DLC1: variants seen among roughly 807,000 people sequenced by gnomAD.
The protein encoded by DLC1 is rho GTPase-activating protein 7.
In DLC1, 54 loss-of-function variants were observed where a neutral mutation model predicts 140.3. The ratio of observed to expected loss-of-function variants is 0.38; its 90% CI spans 0.31 to 0.48. DLC1 has a LOEUF of 0.48. Among genes scored for constraint, DLC1 ranks in the 20% least tolerant of loss-of-function variants. The pLI, the probability that DLC1 is intolerant of heterozygous loss-of-function variation, is 0.96. For missense variants in DLC1, 2,536 were observed against 1,907.0 expected (o/e 1.33, Z -6.14); for synonymous variants, 986 against 728.1 (o/e 1.35, Z -5.70).
At chr8:13,506,544 G>A (rs1377637116) in intron 1 of DLC1, among the ~76,000 whole-genome samples, 1 of 127,652 alleles carries the variant, frequency 7.8e-6, no homozygotes, top group Non-Finnish European at 1.6e-5. Flanking sequence ...CACACACATG[G>A]ACACACACAC....
chr8:13,155,600 A>C (rs997528582), intron 5 of DLC1, among the ~76,000 whole-genome samples: 1 of 152,160 alleles, frequency 6.6e-6, no homozygotes, highest in Non-Finnish European at 1.5e-5. Flanking sequence ...AATATTTGAT[A>C]AGTTCCCATA....
intron 4 of DLC1, among the ~76,000 whole-genome samples, chr8:13,313,629 G>A (rs1285191799): frequency 6.6e-6 from 1 of 152,070 alleles, no homozygotes; most frequent in African/African-American, 2.4e-5. Flanking sequence ...AGCAACTACT[G>A]TATGTATTTA....
chr8:13,570,304 T>TG (rs1804603361), intron 1 of DLC1, among the ~76,000 whole-genome samples: 1 of 151,900 alleles, frequency 6.6e-6, no homozygotes, highest in South Asian at 2.1e-4. Flanking sequence ...CTTTTTTTTT[T>TG]TTTATTATAC....
chr8:13,584,815 C>T (rs750826351), intron 1 of DLC1, among the ~76,000 whole-genome samples: 1 of 152,162 alleles, frequency 6.6e-6, no homozygotes, highest in Non-Finnish European at 1.5e-5. Flanking sequence ...CACCCAGGCT[C>T]TTCCTACCCA....
chr8:13,318,971 G>T (rs928708560), intron 4 of DLC1, among the ~76,000 whole-genome samples: 1 of 152,192 alleles, frequency 6.6e-6, no homozygotes, highest in African/African-American at 2.4e-5. Context: ...CTCCTGCAAA[G>T]AAACACAATT....
intron 2 of DLC1, among the ~76,000 whole-genome samples, chr8:13,453,408 A>ATATATATATATATATATATGTG (rs1563359524): frequency 1.9e-5 from 1 of 52,346 alleles, no homozygotes. Context: ...ATATGTGTAT[A>ATATATATATATATATATATGTG]TATATATATA....
chr8:13,410,976 T>A (rs183554373), intron 2 of DLC1, among the ~76,000 whole-genome samples: 1 of 152,356 alleles, frequency 6.6e-6, no homozygotes, highest in Admixed American at 6.5e-5. Flanking sequence ...TTATGGGTTT[T>A]TAAAAAATGA....
At chr8:13,585,125 A>T (rs899339063) in intron 1 of DLC1, among the ~76,000 whole-genome samples, 2 of 152,260 alleles carry the variant, frequency 1.3e-5, no homozygotes, top group African/African-American at 4.8e-5. Flanking sequence ...AAAATTTTTA[A>T]CAAATATGTG....
chr8:13,112,756 A>C (rs1820225272), intron 6 of DLC1, among the ~76,000 whole-genome samples: 1 of 152,196 alleles, frequency 6.6e-6, no homozygotes, highest in Admixed American at 6.5e-5. Context: ...TACGTTGGCC[A>C]GGTTGGCCTT....
chr8:13,508,643 C>A lies in DLC1; in HGVS notation c.-126+5959G>T, dbSNP rs145923426. Among the ~76,000 whole-genome samples, 569 of 152,246 alleles carry A rather than the reference C, an allele frequency of 3.7e-3. 3 individuals are homozygous for A. Among genetic ancestry groups the A allele is most frequent in the African/African-American group, 0.013 (555 of 41,576 alleles). ...CTGTGTTAGCCAGGATGGTCTTGAT[C>A]TCCTGACCTCGTGATCTGCCCACCT... On this transcript the variant is annotated intron_variant, in intron 1 of 17. Transcript: ENST00000276297.
intron 5 of DLC1, among the ~76,000 whole-genome samples, chr8:13,119,189 C>T (rs1448462249): frequency 1.4e-5 from 2 of 147,034 alleles, no homozygotes; most frequent in Non-Finnish European, 3.0e-5. Flanking sequence ...GACCACACTA[C>T]TGCATTCCAA....
At chr8:13,563,634 TTAATC>T (rs960879727) in intron 1 of DLC1, among the ~76,000 whole-genome samples, 9 of 152,110 alleles carry the variant, frequency 5.9e-5, no homozygotes, top group Non-Finnish European at 1.0e-4. Context: ...ATCTGTCAAT[TTAATC>T]TATAGAGGAG....
At chr8:13,295,222 C>T (rs896923905) in intron 5 of DLC1, among the ~76,000 whole-genome samples, 1 of 152,150 alleles carries the variant, frequency 6.6e-6, no homozygotes, top group African/African-American at 2.4e-5. Flanking sequence ...ACTGATTTAA[C>T]GTTTACATTA....
intron 2 of DLC1, among the ~76,000 whole-genome samples, chr8:13,442,356 G>C (rs999529315): frequency 2.6e-5 from 4 of 152,136 alleles, no homozygotes. Flanking sequence ...TGACAAATGG[G>C]ATCTAATTAA....
At chr8:13,310,708 T>G (rs2117546287) in intron 4 of DLC1, among the ~76,000 whole-genome samples, 1 of 152,376 alleles carries the variant, frequency 6.6e-6, no homozygotes, top group East Asian at 1.9e-4. Context: ...GATTTCAGTC[T>G]GCTTTCATTT....
rs1355551965 is a variant in DLC1 at position 13,099,574 on chromosome 8, A to G, written c.2763T>C (p.Asn921=). Residue 921 remains asparagine (N), a synonymous_variant, in exon 9 of 18, where the codon AAT becomes AAC. Transcript: ENST00000276297. ...CATCAGAAAACTTCTCCGACCACTG[A>G]TTGACTATCCGCTGCATCCCCTTCA... The part of the protein sequence containing the change: ...YHVKGMQRIV[N]QWSEKFSDEG... The G allele has an allele frequency of 5.6e-6, 9 of 1,614,076 alleles. No homozygotes were observed. Among genetic ancestry groups the G allele is most frequent in the Non-Finnish European group, 7.6e-6 (9 of 1,180,014 alleles).
intron 5 of DLC1, among the ~76,000 whole-genome samples, chr8:13,288,106 C>G (rs767512279): frequency 6.6e-5 from 10 of 152,022 alleles, no homozygotes; most frequent in Non-Finnish European, 1.2e-4. Flanking sequence ...AAGCCTACTT[C>G]AAAATATTTT....
intron 2 of DLC1, among the ~76,000 whole-genome samples, chr8:13,423,562 A>T (rs1387698674): frequency 1.3e-5 from 2 of 152,184 alleles, no homozygotes; most frequent in African/African-American, 4.8e-5. Flanking sequence ...AAGTATTAGT[A>T]TCTTCAGTAC....
At chr8:13,255,694 C>T (rs182656653) in intron 5 of DLC1, among the ~76,000 whole-genome samples, 18 of 152,260 alleles carry the variant, frequency 1.2e-4, no homozygotes, top group Non-Finnish European at 1.6e-4. Flanking sequence ...CCTACTTCTG[C>T]CTGAATTTAT....
Sources: gnomAD v4.1 joint callset for allele counts (sites outside exome capture counted in the v4.1 genomes callset) on GRCh38, gnomAD v4.1.1 for gene constraint, MANE v1.5 for transcripts, NCBI Gene and HGNC (gene_info 2026-07-23, HGNC 2026-07-21) for gene names.